The following MON2 variants were observed in gnomAD, a reference collection of about 807,000 sequenced individuals.
The protein encoded by MON2 is protein MON2 homolog.
MON2 carries 84 observed loss-of-function variants against 208.6 expected under a neutral mutation model. The observed-to-expected ratio is 0.40, with a 90% CI of 0.34 to 0.48. MON2 has a LOEUF of 0.48. Among genes scored for constraint, MON2 ranks in the 20% least tolerant of loss-of-function variants. MON2 has a pLI of 0.59. For synonymous variants in MON2, 660 were observed against 694.0 expected (o/e 0.95, Z 0.77); for missense variants, 1,611 against 2,015.4 (o/e 0.80, Z 3.84).
intron 25 of MON2, among the ~76,000 whole-genome samples, chr12:62,557,479 A>G (rs574353660): frequency 6.6e-6 from 1 of 152,336 alleles, no homozygotes; most frequent in East Asian, 1.9e-4. Flanking sequence ...ATGTCAATGG[A>G]CTAAGACTGA....
chr12:62,543,154 C>T lies in MON2; in HGVS notation c.2422C>T (p.Arg808Ter), dbSNP rs777397199. 4 of 1,573,366 alleles carry T rather than the reference C, an allele frequency of 2.5e-6. No individual in the cohort carries two copies. The highest frequency in any genetic ancestry group is 3.4e-6 in the Non-Finnish European group (4 of 1,164,512). The change falls in exon 20 of 35, where the codon CGA (arginine) becomes TGA (stop). Residue 808 changes from arginine (R) to a stop codon, truncating the protein, a stop_gained. Coordinates refer to ENST00000393630, the MANE Select transcript of MON2 (RefSeq NM_015026.3). LOFTEE classifies it high-confidence loss of function. ...LLETGLVNMHRIEILWRPLTG... is the reference protein window; with the variant it reads ...LLETGLVNMH ...AGAAACTGGTTTAGTTAATATGCAC[C>T]GAATAGAAATTCTGTGGAGACCTCT...
rs1439838624 is a variant in MON2 at position 62,499,026 on chromosome 12, T to C, written c.543T>C (p.Val181=). 1.9e-6 allele frequency: 3 copies of C among 1,613,216 alleles called. No individual in the cohort carries two copies. Among genetic ancestry groups the C allele is most frequent in the East Asian group, 2.2e-5 (1 of 44,764 alleles). The change falls in exon 5 of 35, where the codon GTT becomes GTC. Residue 181 remains valine, a synonymous_variant. Coordinates refer to ENST00000393630, the MANE Select transcript of MON2 (RefSeq NM_015026.3). ...QVVTVVFERM[V]AEDERHRDII... is the part of the protein sequence containing the mutation. ...TTACTGTTGTTTTTGAGAGGATGGT[T>C]GCTGAAGATGAACGACACAGAGGTA...
At chr12:62,468,723 CAAGT>C (rs907439184) in intron 1 of MON2, among the ~76,000 whole-genome samples, 5 of 152,010 alleles carry the variant, frequency 3.3e-5, no homozygotes, top group African/African-American at 1.2e-4. Flanking sequence ...AAAGTTATAA[CAAGT>C]AAATCTAAAG....
intron 24 of MON2, among the ~76,000 whole-genome samples, chr12:62,553,919 G>C (rs2073857088): frequency 6.6e-6 from 1 of 152,074 alleles, no homozygotes. Context: ...CATGGTGACT[G>C]ACACCTGTAA....
At chr12:62,537,461 T>C in intron 15 of MON2, 141 bp from the exon 16 acceptor site, 1 of 703,730 alleles carries the variant, frequency 1.4e-6, no homozygotes, top group East Asian at 2.8e-5. Context: ...ATCAAATGAA[T>C]TGTTCCTTAT....
rs1555229884 is a variant in MON2 at position 62,469,882 on chromosome 12, T to TTTA, written c.111+2566_111+2567insATT. ...TTATGGCCATAGTGCTTGACTATTA[T>TTTA]TTTATTTATTTATTTATTTATTTAT... On this transcript the variant is annotated intron_variant, in intron 1 of 34. Coordinates refer to ENST00000393630, the MANE Select transcript of MON2 (RefSeq NM_015026.3). 4.2e-5 allele frequency among the ~76,000 whole-genome samples: 5 copies of TTTA among 117,802 alleles called. No homozygotes were observed. In the East Asian group the frequency reaches 8.1e-4, roughly 19 times the overall value. The allele number at this position is 117,802 out of a possible 152,430, so 77.3% of individuals were successfully genotyped here. A position where few individuals can be genotyped will look rare whatever the true frequency, so the allele number is the denominator to read the frequency against.
chr12:62,539,277 T>C (rs2073124635), intron 19 of MON2, among the ~76,000 whole-genome samples: 3 of 152,042 alleles, frequency 2.0e-5, no homozygotes, highest in South Asian at 4.1e-4. Flanking sequence ...CTAGTCTTTT[T>C]TTTTTTTTGA....
chr12:62,578,230 C>A (rs189102180), intron 30 of MON2, among the ~76,000 whole-genome samples: 238 of 152,108 alleles, frequency 1.6e-3, no homozygotes, highest in Non-Finnish European at 2.6e-3. Context: ...CAAGATTGGA[C>A]CTAGTGTTTT....
Position 62,544,892 on chromosome 12 carries a change from C to T in MON2, c.2467-6C>T, listed in dbSNP as rs753413944. 3.1e-6 allele frequency: 5 copies of T among 1,602,404 alleles called. No individual in the cohort carries two copies. Among genetic ancestry groups the T allele is most frequent in the African/African-American group, 1.3e-5 (1 of 74,412 alleles). ...ACAAATTAAACTTAATTTTATATAC[C>T]TTCAGGTCTGCCAGCATCCAAACTC... On this transcript the variant is annotated splice_polypyrimidine_tract_variant and splice_region_variant and intron_variant, in intron 20 of 34. Coordinates refer to ENST00000393630, the MANE Select transcript of MON2 (RefSeq NM_015026.3).
chr12:62,524,808 G>T (rs569832109), intron 9 of MON2, among the ~76,000 whole-genome samples, 169 bp downstream of exon 9: 1 of 152,258 alleles, frequency 6.6e-6, no homozygotes, highest in South Asian at 2.1e-4. Flanking sequence ...GACGGGTAGG[G>T]CGTGTAGATG....
intron 9 of MON2, 135 bp from the exon 10 acceptor site, chr12:62,524,949 A>C (rs1233743286): frequency 1.2e-6 from 1 of 838,240 alleles, no homozygotes; most frequent in Non-Finnish European, 1.8e-6. Context: ...AAATTGGTAA[A>C]ATTACTGAGT....
At position 62,593,541 on chromosome 12, in the gene MON2, T is replaced by G. The variant is rs935832165; in HGVS notation, c.*792T>G. The G allele has an allele frequency of 6.6e-6, 1 of 152,584 alleles. No individual in the cohort carries two copies. Among genetic ancestry groups the G allele is most frequent in the Non-Finnish European group, 1.5e-5 (1 of 67,972 alleles). The allele number at this position is 152,584 out of a possible 1,614,324, so 9.5% of individuals were successfully genotyped here. ...TTGCTGATTTTGGAGCTTTGAAATA[T>G]AGGTTCTTAATACATTGATACATAT... is the stretch of plus-strand genomic sequence containing the variant. On this transcript the variant is annotated 3_prime_UTR_variant, in exon 35 of 35. Transcript: ENST00000393630.
chr12:62,467,240 G>A lies in MON2; in HGVS notation c.33G>A (p.Lys11=). The change falls in exon 1 of 35, where the codon AAG becomes AAA. Residue 11 remains lysine (K), a synonymous_variant. Coordinates refer to ENST00000393630, the MANE Select transcript of MON2 (RefSeq NM_015026.3). MSGTSSPEAV[K]KLLENMQSDL... Reference sequence around the variant, plus strand: ...GCACCAGCAGCCCCGAGGCGGTGAAGAAGCTGCTGGAGAATATGCAGAGCG... The same window carrying A: ...GCACCAGCAGCCCCGAGGCGGTGAAAAAGCTGCTGGAGAATATGCAGAGCG... 4 of 1,613,882 alleles carry A rather than the reference G, an allele frequency of 2.5e-6. No individual in the cohort carries two copies. Among genetic ancestry groups the A allele is most frequent in the Non-Finnish European group, 3.4e-6 (4 of 1,180,040 alleles).
intron 29 of MON2, among the ~76,000 whole-genome samples, chr12:62,566,904 G>T (rs2074405880): frequency 6.6e-6 from 1 of 152,114 alleles, no homozygotes; most frequent in Admixed American, 6.6e-5. Context: ...ATTTGTTACA[G>T]TTCTTACATT....
At chr12:62,543,001 T>G in intron 19 of MON2, 96 bp from the exon 20 acceptor site, 5 of 640,776 alleles carry the variant, frequency 7.8e-6, no homozygotes, top group Non-Finnish European at 1.3e-5. Context: ...AATTTTAATT[T>G]CAGTCATGCT....
Position 62,486,651 on chromosome 12 carries a change from A to G in MON2, c.175+2418A>G, listed in dbSNP as rs186509905. On this transcript the variant is annotated intron_variant, in intron 2 of 34. Transcript: ENST00000393630. ...AAACAGAGTTTAAATTAGTCAGTAT[A>G]TAGTTTCTAAACTATATAATTAAGA... 5.4e-4 allele frequency among the ~76,000 whole-genome samples: 82 copies of G among 152,254 alleles called. 3 individuals carry two copies. The East Asian group carries it at 0.015, about 28-fold the overall frequency.
Position 62,524,517 on chromosome 12 carries a change from A to G in MON2, c.987A>G (p.Val329=). The G allele has an allele frequency of 6.2e-7, 1 of 1,605,044 alleles. No individual in the cohort carries two copies. The highest frequency in any genetic ancestry group is 8.5e-7 in the Non-Finnish European group (1 of 1,172,244). Reference sequence around the variant, plus strand: ...TATTAAAAATCATATATTTTTAGGTAACTGAATGTGAGATATTTCTGTCAC... The same window carrying G: ...TATTAAAAATCATATATTTTTAGGTGACTGAATGTGAGATATTTCTGTCAC... ...VLIKQFYSLL[V]TECEIFLSLL... is the part of the protein sequence containing the mutation. The change falls in exon 9 of 35, where the codon GTA becomes GTG. Residue 329 remains valine (V), a splice_region_variant and synonymous_variant. Transcript: ENST00000393630.
chr12:62,512,459 C>G (rs577993413), intron 8 of MON2, among the ~76,000 whole-genome samples: 1 of 152,206 alleles, frequency 6.6e-6, no homozygotes, highest in Non-Finnish European at 1.5e-5. Flanking sequence ...GCGGTCAAAT[C>G]TTAAAGCTCC....
intron 5 of MON2, 127 bp from the exon 6 acceptor site, chr12:62,500,656 T>G (rs1386970423): frequency 7.4e-6 from 4 of 540,154 alleles, no homozygotes; most frequent in African/African-American, 2.0e-5. Context: ...TTGGAAATTT[T>G]AATTCTGAAA....
Sources: gnomAD v4.1 joint callset for allele counts (sites outside exome capture counted in the v4.1 genomes callset) on GRCh38, gnomAD v4.1.1 for gene constraint, MANE v1.5 for transcripts, NCBI Gene and HGNC (gene_info 2026-07-23, HGNC 2026-07-21) for gene names.